The following USP6 variants were observed in gnomAD, a reference collection of about 807,000 sequenced individuals.
The protein encoded by USP6 is ubiquitin carboxyl-terminal hydrolase 6.
USP6 carries 128 observed loss-of-function variants against 175.7 expected under a neutral mutation model. That is an observed-to-expected ratio of 0.73 (90% CI 0.63 to 0.84). USP6 has a LOEUF of 0.84. USP6 is among the 40% of genes least tolerant of loss of function. USP6 has a pLI of 0.00. For synonymous variants in USP6, 562 were observed against 630.6 expected (o/e 0.89, Z 1.63); for missense variants, 1,498 against 1,760.3 (o/e 0.85, Z 2.67).
rs901287180 is a variant in USP6 at position 5,132,335 on chromosome 17, C to T, written c.156-61C>T. 1.9e-6 allele frequency: 3 copies of T among 1,612,034 alleles called. No homozygotes were observed. Among genetic ancestry groups the T allele is most frequent in the Non-Finnish European group, 2.5e-6 (3 of 1,179,812 alleles). ...GCCAGTCCTTTCTGGGGGTCGGCTC[C>T]CAGGCTTGGGCGGCTCCAGGCCCTG... On this transcript the variant is annotated intron_variant, in intron 11 of 37. Transcript: ENST00000574788. The surrounding 1 kb of genome is among the most constrained non-coding windows in gnomAD (Gnocchi z 4.7).
intron 4 of USP6, among the ~76,000 whole-genome samples, 159 bp from the exon 5 acceptor site, chr17:5,124,407 C>A (rs886241298): frequency 6.6e-6 from 1 of 152,198 alleles, no homozygotes; most frequent in Non-Finnish European, 1.5e-5. Flanking sequence ...AAACAGAACT[C>A]GGTTGGGAAT....
At chr17:5,156,594 C>T (rs754835738) in intron 31 of USP6, among the ~76,000 whole-genome samples, 3 of 152,094 alleles carry the variant, frequency 2.0e-5, no homozygotes, top group Non-Finnish European at 2.9e-5. Flanking sequence ...GCGTGAGCCA[C>T]CTCACCCAGC....
chr17:5,146,246 C>A, intron 28 of USP6, 72 bp downstream of exon 28: 1 of 1,499,712 alleles, frequency 6.7e-7, no homozygotes, highest in South Asian at 1.4e-5. Context: ...TTATGATGAT[C>A]AGTTGTTAGG....
In USP6 at chr17:5,133,973, C is replaced by A. The variant is rs758079756; in HGVS notation, c.471C>A (p.Phe157Leu). ...GGACGACTCTCCGGAACCATGTCTTCTTTAGGGATCGATATGGAGCCAAGT... is the reference window on the plus strand; with the variant it reads ...GGACGACTCTCCGGAACCATGTCTTATTTAGGGATCGATATGGAGCCAAGT... ...DVRTTLRNHV[F>L]FRDRYGAKQR... Residue 157 changes from phenylalanine (F) to leucine (L), a missense_variant, in exon 15 of 38, where the codon TTC (phenylalanine) becomes TTA (leucine). Phe to Leu is a conservative substitution (Grantham distance 22). Coordinates refer to ENST00000574788, the MANE Select transcript of USP6 (RefSeq NM_001304284.2). 4 of 1,614,140 alleles carry A rather than the reference C, an allele frequency of 2.5e-6. No individual in the cohort carries two copies. The highest frequency in any genetic ancestry group is 3.4e-6 in the Non-Finnish European group (4 of 1,180,004).
intron 37 of USP6, among the ~76,000 whole-genome samples, 155 bp downstream of exon 37, chr17:5,171,834 C>T (rs2074225166): frequency 6.6e-6 from 1 of 152,142 alleles, no homozygotes; most frequent in Non-Finnish European, 1.5e-5. Context: ...AAGTGATATG[C>T]AGAGCAGGGA....
rs761027720 is a variant in USP6 at position 5,172,774 on chromosome 17, T to A, written c.4048-31T>A. The stretch of plus-strand genomic sequence containing the variant: ...GATTTAGAGTCATAATAGTGATGGC[T>A]TTTTGTTAAAGGTTTTTCTTGCCCT... On this transcript the variant is annotated intron_variant, in intron 37 of 37. Transcript: ENST00000574788. The A allele has an allele frequency of 3.1e-6, 5 of 1,611,260 alleles. No individual in the cohort carries two copies. In the African/African-American group the frequency reaches 6.7e-5, roughly 22 times the overall value.
At position 5,170,562 on chromosome 17, in the gene USP6, G is replaced by C. The variant is rs764036740; in HGVS notation, c.3601G>C (p.Gly1201Arg). 6.2e-6 allele frequency: 10 copies of C among 1,611,996 alleles called. No homozygotes were observed. The Admixed American group carries it at 1.7e-4, about 27-fold the overall frequency. Residue 1201 changes from glycine to arginine, a missense_variant, in exon 36 of 38, where the codon GGG (glycine) becomes CGG (arginine). By Grantham distance (125) the Gly-to-Arg change is moderately radical (BLOSUM62 -2). This residue lies in a region of USP6 where 1,217 missense variants were observed against 1,500.8 expected (regional missense o/e 0.81). Transcript: ENST00000574788. ...SSPNSSPRTL[G>R]RSKGRLRLPQ... Reference sequence around the variant, plus strand: ...CCCTAATAGCAGCCCACGGACTTTGGGGAGGAGCAAAGGGAGGCTCCGGCT... The same window carrying C: ...CCCTAATAGCAGCCCACGGACTTTGCGGAGGAGCAAAGGGAGGCTCCGGCT...
intron 25 of USP6, among the ~76,000 whole-genome samples, chr17:5,144,243 CAT>C (rs1407263384): frequency 6.6e-6 from 1 of 151,664 alleles, no homozygotes; most frequent in African/African-American, 2.4e-5. Context: ...AATATATACA[CAT>C]ATTATTTTAT....
chr17:5,171,771 T>C lies in USP6; in HGVS notation c.4047+92T>C, dbSNP rs2074223421. ...AATGGACTATCTCTTGAATAGGAAA[T>C]AGATATTTCTGTTAGAATTAATATA... On this transcript the variant is annotated intron_variant, in intron 37 of 37. Transcript: ENST00000574788. 23 of 1,327,260 alleles carry C rather than the reference T, an allele frequency of 1.7e-5. No homozygotes were observed. The South Asian group carries it at 2.3e-4, about 13-fold the overall frequency. The allele number at this position is 1,327,260 out of a possible 1,614,324, so 82.2% of individuals were successfully genotyped here. A position where few individuals can be genotyped will look rare whatever the true frequency, so the allele number is the denominator to read the frequency against.
At chr17:5,117,865 C>T (rs2072569779) in intron 1 of USP6, among the ~76,000 whole-genome samples, 1 of 152,046 alleles carries the variant, frequency 6.6e-6, no homozygotes, top group African/African-American at 2.4e-5. Context: ...GAGGCCAAGG[C>T]AGGCAGATCA....
At chr17:5,121,255 G>A in intron 3 of USP6, 120 bp from the exon 4 acceptor site, 1 of 369,392 alleles carries the variant, frequency 2.7e-6, no homozygotes, top group Non-Finnish European at 5.4e-6. Flanking sequence ...GTCTTTGTGT[G>A]CAGGTGCCTT....
In USP6 at chr17:5,132,981, C is replaced by T. The variant is rs759526510; in HGVS notation, c.267C>T (p.His89=). ...TGGGAGAATGGGAGACATATAAGCA[C>T]AGTAGCAAAGTAATGTGTGGAGGGA... ...EMLGEWETYK[H]SSKLIDRVYK... Residue 89 remains histidine (H), a synonymous_variant, in exon 13 of 38, where the codon CAC becomes CAT. Coordinates refer to ENST00000574788, the MANE Select transcript of USP6 (RefSeq NM_001304284.2). The surrounding 1 kb of genome is among the most constrained non-coding windows in gnomAD (Gnocchi z 4.7). The T allele has an allele frequency of 6.2e-7, 1 of 1,614,136 alleles. No homozygotes were observed. The highest frequency in any genetic ancestry group is 2.2e-5 in the East Asian group (1 of 44,878).
At chr17:5,133,192 C>T (rs2073133306) in intron 13 of USP6, among the ~76,000 whole-genome samples, 2 of 152,178 alleles carry the variant, frequency 1.3e-5, no homozygotes, top group African/African-American at 4.8e-5. Flanking sequence ...GAATCTAGGG[C>T]TGGGACCACC....
At chr17:5,145,040 C>T (rs1479885620) in intron 26 of USP6, among the ~76,000 whole-genome samples, 177 bp downstream of exon 26, 3 of 152,130 alleles carry the variant, frequency 2.0e-5, no homozygotes, top group African/African-American at 7.2e-5. Flanking sequence ...ACAAAAATAC[C>T]TTTAATGAAT....
chr17:5,130,759 G>T, intron 11 of USP6, 75 bp downstream of exon 11: 1 of 1,566,658 alleles, frequency 6.4e-7, no homozygotes, highest in African/African-American at 1.3e-5. Flanking sequence ...TTTTAGAAAG[G>T]CCTTTCTGAT....
At chr17:5,158,322 T>A (rs1394735181) in intron 31 of USP6, among the ~76,000 whole-genome samples, 1 of 152,078 alleles carries the variant, frequency 6.6e-6, no homozygotes, top group Non-Finnish European at 1.5e-5. Flanking sequence ...GTCCCAGCAC[T>A]TCAGGAGGCC....
intron 6 of USP6, among the ~76,000 whole-genome samples, chr17:5,126,185 C>T (rs1233417634): frequency 8.3e-6 from 1 of 120,244 alleles, no homozygotes; most frequent in East Asian, 2.0e-4. Context: ...CTTAGTTCTC[C>T]TTCTTACTGA....
intron 16 of USP6, 135 bp downstream of exon 16, chr17:5,135,417 T>A (rs2073221719): frequency 8.1e-7 from 1 of 1,240,326 alleles, no homozygotes; most frequent in Admixed American, 1.9e-5. Flanking sequence ...GGATTCTAGG[T>A]CACCGCTGGC....
intron 30 of USP6, 143 bp from the exon 31 acceptor site, chr17:5,155,279 G>T: frequency 9.8e-7 from 1 of 1,016,972 alleles, no homozygotes; most frequent in Non-Finnish European, 1.4e-6. Flanking sequence ...TGTCAATAAA[G>T]ATGGTTTTAT....
Sources: allele counts gnomAD v4.1 joint callset (sites outside exome capture counted in the v4.1 genomes callset), GRCh38; gene constraint gnomAD v4.1.1; regional missense constraint gnomAD v4.1.1; non-coding constraint Gnocchi (gnomAD v3.1); transcripts MANE v1.5; gene names NCBI Gene and HGNC (gene_info 2026-07-23, HGNC 2026-07-21).